Variants in FAM193B observed in about 807,000 individuals in gnomAD.
The protein encoded by FAM193B is family with sequence similarity 193 member B.
Under a neutral mutation model 70.7 loss-of-function variants are expected in FAM193B, and 27 were observed. That is an observed-to-expected ratio of 0.38 (90% CI 0.28 to 0.53). FAM193B has a LOEUF of 0.53. Among genes scored for constraint, FAM193B ranks in the 20% least tolerant of loss-of-function variants. The pLI, the probability that FAM193B is intolerant of heterozygous loss-of-function variation, is 0.81. For missense variants in FAM193B, 1,022 were observed against 1,072.5 expected (o/e 0.95, Z 0.66); for synonymous variants, 448 against 436.0 (o/e 1.03, Z -0.34).
intron 4 of FAM193B, among the ~76,000 whole-genome samples, chr5:177,533,453 C>T (rs985298844): frequency 4.6e-5 from 7 of 152,100 alleles, no homozygotes; most frequent in African/African-American, 1.2e-4. Flanking sequence ...TACAGGCGCC[C>T]GCAACCACGC....
intron 1 of FAM193B, among the ~76,000 whole-genome samples, chr5:177,551,457 G>A (rs969588776): frequency 5.9e-5 from 9 of 152,168 alleles, no homozygotes; most frequent in Admixed American, 2.0e-4. Context: ...TACAGGTTAT[G>A]CCAATGAGTG....
At chr5:177,523,819 T>TG (rs998201033) in intron 7 of FAM193B, 138 bp downstream of exon 7, 86 of 907,318 alleles carry the variant, frequency 9.5e-5, no homozygotes, top group South Asian at 2.5e-4. Context: ...GGAGAGGGCC[T>TG]GGGGGGGCGG....
chr5:177,539,709 G>C (rs1764618901), intron 1 of FAM193B, among the ~76,000 whole-genome samples: 1 of 152,254 alleles, frequency 6.6e-6, no homozygotes. Flanking sequence ...GGGAAATTGT[G>C]TCAGAGGGAA....
At position 177,553,783 on chromosome 5, in the gene FAM193B, G is replaced by A. The variant is rs1224430480; in HGVS notation, c.210+466C>T. 38 of 1,287,206 alleles carry A rather than the reference G, an allele frequency of 3.0e-5. No individual in the cohort carries two copies. The Admixed American group carries it at 3.4e-4, about 12-fold the overall frequency. 79.7% of individuals were successfully genotyped at this position (1,287,206 alleles called of 1,614,324 possible). A position where few individuals can be genotyped will look rare whatever the true frequency, so the allele number is the denominator to read the frequency against. On this transcript the variant is annotated intron_variant, in intron 1 of 8. Coordinates refer to ENST00000514747, the MANE Select transcript of FAM193B (RefSeq NM_001190946.3). ...AGGCGCCAGGAGACACAGCTGCTGA[G>A]GGGGCCGCGGCTGCAGGCGCTGCAG...
At position 177,537,869 on chromosome 5, in the gene FAM193B, T is replaced by G. The variant is rs1480070738; in HGVS notation, c.688+4A>C. ...CTGGCTCTCTCCCGAGCCTGGAGAC[T>G]CACCGGGGATGGTAGGAGGACTCCC... On this transcript the variant is annotated splice_donor_region_variant and intron_variant, in intron 3 of 8. Coordinates refer to ENST00000514747, the MANE Select transcript of FAM193B (RefSeq NM_001190946.3). 6.2e-7 allele frequency: 1 copy of G among 1,605,212 alleles called. No homozygotes were observed. The highest frequency in any genetic ancestry group is 8.5e-7 in the Non-Finnish European group (1 of 1,174,366).
chr5:177,540,814 C>A (rs1227328992), intron 1 of FAM193B, among the ~76,000 whole-genome samples: 1 of 152,170 alleles, frequency 6.6e-6, no homozygotes, highest in Non-Finnish European at 1.5e-5. Context: ...ACTTACCCAA[C>A]ACTGGGTAAC....
At chr5:177,522,488 A>G (rs1317867844) in intron 7 of FAM193B, among the ~76,000 whole-genome samples, 1 of 151,984 alleles carries the variant, frequency 6.6e-6, no homozygotes, top group Non-Finnish European at 1.5e-5. Context: ...CTTCCCATAT[A>G]CTTTTTTTTA....
rs1216487502 is a variant in FAM193B, at chr5:177,538,709, G to C, written c.453+196C>G. Among the ~76,000 whole-genome samples the C allele has an allele frequency of 3.9e-5, 6 of 152,192 alleles. No homozygotes were observed. ...ACAGACCACCCTGAGGGACTGACCG[G>C]TGGGCTGCCAGAAGTTTCTCTTCTT... On this transcript the variant is annotated intron_variant, in intron 2 of 8. Coordinates refer to ENST00000514747, the MANE Select transcript of FAM193B (RefSeq NM_001190946.3). The surrounding 1 kb of genome is among the most constrained non-coding windows in gnomAD (Gnocchi z 4.1).
chr5:177,529,231 G>C (rs1224287461), intron 5 of FAM193B, among the ~76,000 whole-genome samples: 1 of 150,462 alleles, frequency 6.6e-6, no homozygotes, highest in Non-Finnish European at 1.5e-5. Flanking sequence ...CCTTCGTGTA[G>C]ACAGAAGACA....
At chr5:177,542,583 G>A (rs1246442180) in intron 1 of FAM193B, among the ~76,000 whole-genome samples, 1 of 152,170 alleles carries the variant, frequency 6.6e-6, no homozygotes, top group African/African-American at 2.4e-5. Flanking sequence ...CATTCCCTAA[G>A]TTCCCAAAAT....
intron 1 of FAM193B, among the ~76,000 whole-genome samples, chr5:177,546,196 A>G (rs76324912): frequency 0.031 from 4,687 of 152,338 alleles, 271 homozygotes; most frequent in African/African-American, 0.11. Context: ...TACCCTTGAC[A>G]ATTCCTATTC....
intron 1 of FAM193B, among the ~76,000 whole-genome samples, chr5:177,545,658 CAAAAA>C (rs35116415): frequency 5.0e-5 from 6 of 119,080 alleles, no homozygotes; most frequent in Non-Finnish European, 8.9e-5. Flanking sequence ...GAGCCTGTCT[CAAAAA>C]AAAAAAAAAA....
chr5:177,553,640 C>G (rs1159418505), intron 1 of FAM193B: 1 of 1,266,812 alleles, frequency 7.9e-7, no homozygotes, highest in Non-Finnish European at 1.0e-6. Flanking sequence ...CCTTGCGGAG[C>G]AGGGGAGGGA....
chr5:177,547,284 T>TTATTTA (rs1406979476), intron 1 of FAM193B: 11 of 60,544 alleles, frequency 1.8e-4, no homozygotes, highest in African/African-American at 7.3e-4. Flanking sequence ...CCAAATTTAT[T>TTATTTA]TCTTTTTTTT....
At chr5:177,548,120 G>A (rs758523963) in intron 1 of FAM193B, among the ~76,000 whole-genome samples, 1 of 152,008 alleles carries the variant, frequency 6.6e-6, no homozygotes, top group East Asian at 1.9e-4. Flanking sequence ...TTTTAGGCTC[G>A]ATCTGGGTGT....
At chr5:177,551,324 G>A (rs1009142636) in intron 1 of FAM193B, among the ~76,000 whole-genome samples, 2 of 151,922 alleles carry the variant, frequency 1.3e-5, no homozygotes, top group African/African-American at 2.4e-5. Flanking sequence ...AACTGTTTCA[G>A]CCTTCTTGTG....
intron 1 of FAM193B, among the ~76,000 whole-genome samples, chr5:177,550,438 A>G (rs1242949366): frequency 6.6e-6 from 1 of 152,206 alleles, no homozygotes; most frequent in Admixed American, 6.5e-5. Flanking sequence ...AATTAAACAT[A>G]ATGAGATGCT....
chr5:177,553,834 G>T (rs996212190), intron 1 of FAM193B: 2 of 1,282,890 alleles, frequency 1.6e-6, no homozygotes, highest in East Asian at 5.6e-5. Context: ...CGTTCCCGGG[G>T]GCAGAGGGAA....
intron 1 of FAM193B, chr5:177,553,328 G>C: frequency 1.0e-6 from 1 of 991,058 alleles, no homozygotes; most frequent in Non-Finnish European, 1.2e-6. Flanking sequence ...GACCCTCCAA[G>C]ACTCCTGCAG....
Sources: gnomAD v4.1 joint callset for allele counts (sites outside exome capture counted in the v4.1 genomes callset) on GRCh38, gnomAD v4.1.1 for gene constraint, Gnocchi (gnomAD v3.1) non-coding constraint, MANE v1.5 for transcripts, NCBI Gene and HGNC (gene_info 2026-07-23, HGNC 2026-07-21) for gene names.